Variants in SNX29 observed in about 807,000 individuals in gnomAD.
SNX29 encodes sorting nexin-29.
SNX29 carries 78 observed loss-of-function variants against 102.1 expected under a neutral mutation model. That is an observed-to-expected ratio of 0.76 (90% CI 0.64 to 0.92). The LOEUF is 0.92. Ranked by LOEUF, SNX29 falls within the 40% of genes least tolerant of loss-of-function variation. SNX29 has a pLI of 0.00. For synonymous variants in SNX29, 580 were observed against 414.5 expected, an observed-to-expected ratio of 1.40 and a Z score of -4.85; for missense variants, 1,280 against 1,061.7, an observed-to-expected ratio of 1.21 and a Z score of -2.86.
intron 2 of SNX29, among the ~76,000 whole-genome samples, chr16:12,001,760 G>A (rs1332589182): frequency 6.6e-6 from 1 of 152,172 alleles, no homozygotes; most frequent in Non-Finnish European, 1.5e-5. Context: ...GCTCACACCT[G>A]TAATCCCAGT....
At chr16:11,998,955 A>G (rs983340614) in intron 1 of SNX29, among the ~76,000 whole-genome samples, 1 of 152,204 alleles carries the variant, frequency 6.6e-6, no homozygotes, top group Admixed American at 6.5e-5. Context: ...ATTTGGCATT[A>G]CATGGAGACA....
intron 16 of SNX29, 53 bp downstream of exon 16, chr16:12,356,332 C>T (rs975751212): frequency 6.7e-6 from 10 of 1,499,580 alleles, no homozygotes; most frequent in East Asian, 2.5e-5. Context: ...GCCCACAGCC[C>T]AGTAGAAAAG....
intron 14 of SNX29, among the ~76,000 whole-genome samples, chr16:12,225,781 T>G (rs895941878): frequency 6.6e-6 from 1 of 151,800 alleles, no homozygotes; most frequent in African/African-American, 2.4e-5. Context: ...CCCAAACAAG[T>G]CTTGTTCTTC....
intron 11 of SNX29, among the ~76,000 whole-genome samples, chr16:12,085,872 C>T (rs1212527217): frequency 6.6e-6 from 1 of 152,166 alleles, no homozygotes; most frequent in African/African-American, 2.4e-5. Context: ...TAAGTACCTG[C>T]CCAAGGCCTC....
At chr16:12,566,494 G>A (rs544898185) in intron 20 of SNX29, among the ~76,000 whole-genome samples, 1 of 152,320 alleles carries the variant, frequency 6.6e-6, no homozygotes, top group African/African-American at 2.4e-5. Context: ...GATGGTGGTT[G>A]CAGGCTAAGT....
At chr16:12,016,333 T>C (rs2056848621) in intron 3 of SNX29, among the ~76,000 whole-genome samples, 2 of 152,254 alleles carry the variant, frequency 1.3e-5, no homozygotes, top group Middle Eastern at 3.2e-3. Context: ...TTTATATTTC[T>C]GGTATAGGTT....
At chr16:12,054,760 C>G (rs1489797911) in intron 8 of SNX29, among the ~76,000 whole-genome samples, 18 of 152,192 alleles carry the variant, frequency 1.2e-4, no homozygotes, top group Admixed American at 1.0e-3. Flanking sequence ...CTCTCTGTCT[C>G]TCTCTCTTCA....
chr16:12,415,347 T>G (rs7198154), intron 18 of SNX29, among the ~76,000 whole-genome samples: 2 of 152,062 alleles, frequency 1.3e-5, no homozygotes, highest in Non-Finnish European at 2.9e-5. Flanking sequence ...CTTGGAGTCT[T>G]GATCAAGATG....
At chr16:12,461,970 AAAAAAAAAATAT>A (rs1235708437) in intron 18 of SNX29, among the ~76,000 whole-genome samples, 2 of 68,454 alleles carry the variant, frequency 2.9e-5, no homozygotes, top group African/African-American at 1.5e-4. Flanking sequence ...AAAAAAAAAA[AAAAAAAAAATAT>A]ATATATATAT....
intron 11 of SNX29, among the ~76,000 whole-genome samples, chr16:12,101,267 G>A (rs539958196): frequency 5.4e-5 from 8 of 147,438 alleles, no homozygotes; most frequent in Non-Finnish European, 1.0e-4. Flanking sequence ...TTCTTCATCT[G>A]GGTGTCCTAA....
At chr16:12,064,140 C>T (rs186103920) in intron 9 of SNX29, among the ~76,000 whole-genome samples, 2 of 152,238 alleles carry the variant, frequency 1.3e-5, no homozygotes, top group Non-Finnish European at 2.9e-5. Context: ...GAGGTGCTTG[C>T]AGTAGGTGGT....
chr16:12,522,991 T>C (rs1050699640), intron 19 of SNX29, among the ~76,000 whole-genome samples: 6 of 152,162 alleles, frequency 3.9e-5, no homozygotes, highest in Non-Finnish European at 7.3e-5. Context: ...TTTCAATTTT[T>C]TATAGAGATT....
intron 18 of SNX29, among the ~76,000 whole-genome samples, chr16:12,475,759 T>A (rs1379661442): frequency 6.6e-6 from 1 of 152,250 alleles, no homozygotes; most frequent in East Asian, 1.9e-4. Flanking sequence ...GTGTGGTTTC[T>A]ACTGAATGCT....
intron 18 of SNX29, among the ~76,000 whole-genome samples, chr16:12,468,169 C>CTTTTTT (rs59089512): frequency 2.2e-5 from 2 of 92,662 alleles, no homozygotes; most frequent in Non-Finnish European, 4.2e-5. Context: ...ACTCTGACTC[C>CTTTTTT]TTTTTTTTTT....
chr16:12,160,246 A>G (rs900679840), intron 13 of SNX29, among the ~76,000 whole-genome samples: 4 of 152,100 alleles, frequency 2.6e-5, no homozygotes, highest in African/African-American at 9.7e-5. Flanking sequence ...GACTGTATTC[A>G]TGTTGCTGAG....
At chr16:12,550,698 C>G (rs2077919184) in intron 20 of SNX29, among the ~76,000 whole-genome samples, 2 of 152,196 alleles carry the variant, frequency 1.3e-5, no homozygotes, top group African/African-American at 4.8e-5. Flanking sequence ...TGTATTCACC[C>G]CCCTCATGCT....
At chr16:12,180,349 C>T (rs1287891537) in intron 13 of SNX29, among the ~76,000 whole-genome samples, 1 of 152,116 alleles carries the variant, frequency 6.6e-6, no homozygotes, top group Admixed American at 6.5e-5. Flanking sequence ...GTATTGTCTC[C>T]AGCTTGTTTT....
intron 11 of SNX29, among the ~76,000 whole-genome samples, chr16:12,112,199 T>A (rs1372151452): frequency 6.6e-6 from 1 of 152,180 alleles, no homozygotes; most frequent in East Asian, 1.9e-4. Context: ...GAAGGGGAGC[T>A]GCCAGCTGCC....
At chr16:12,360,899 T>C (rs1316797632) in intron 16 of SNX29, among the ~76,000 whole-genome samples, 1 of 152,220 alleles carries the variant, frequency 6.6e-6, no homozygotes, top group Non-Finnish European at 1.5e-5. Context: ...TCTGTGAGTG[T>C]GTATGTAATA....
Sources: gnomAD v4.1 joint callset for allele counts (sites outside exome capture counted in the v4.1 genomes callset) on GRCh38, gnomAD v4.1.1 for gene constraint, MANE v1.5 for transcripts, NCBI Gene and HGNC (gene_info 2026-07-23, HGNC 2026-07-21) for gene names.